CTNNA2: variants seen among roughly 807,000 people sequenced by gnomAD.
The protein encoded by CTNNA2 is catenin alpha-2.
CTNNA2 carries 42 observed loss-of-function variants against 101.0 expected under a neutral mutation model. The observed-to-expected ratio is 0.42, with a 90% confidence interval of 0.32 to 0.54. The LOEUF is 0.54. CTNNA2 is among the 20% of genes least tolerant of loss of function. The probability of loss-of-function intolerance (pLI) is 0.14; values close to 1 mark genes in which losing one functional copy is unlikely to be tolerated. For missense variants in CTNNA2, 871 were observed against 1,223.1 expected (o/e 0.71, Z 4.29); for synonymous variants, 450 against 456.4 (o/e 0.99, Z 0.18).
At chr2:79,871,883 T>C (rs1054848241) in intron 5 of CTNNA2, among the ~76,000 whole-genome samples, 1 of 152,170 alleles carries the variant, frequency 6.6e-6, no homozygotes, top group Non-Finnish European at 1.5e-5. Flanking sequence ...AGAATATATA[T>C]GATGTTCATA....
At chr2:79,658,729 A>G (rs1337217413) in intron 2 of CTNNA2, among the ~76,000 whole-genome samples, 1 of 151,940 alleles carries the variant, frequency 6.6e-6, no homozygotes, top group African/African-American at 2.4e-5. Flanking sequence ...ATAACACTAA[A>G]CATCTGATAA....
chr2:79,846,663 T>C (rs552574361), intron 3 of CTNNA2, among the ~76,000 whole-genome samples: 1 of 152,316 alleles, frequency 6.6e-6, no homozygotes, highest in Non-Finnish European at 1.5e-5. Flanking sequence ...AATACAAATA[T>C]CAGAGTTGAG....
chr2:80,329,077 C>CT (rs1671082526), intron 7 of CTNNA2, among the ~76,000 whole-genome samples: 1 of 152,206 alleles, frequency 6.6e-6, no homozygotes, highest in Non-Finnish European at 1.5e-5. Context: ...CTTTTGATTA[C>CT]TTTTTGTATA....
intron 12 of CTNNA2, among the ~76,000 whole-genome samples, chr2:80,573,814 A>T (rs1217159291): frequency 6.6e-6 from 1 of 152,210 alleles, no homozygotes. Context: ...GATTTACAGT[A>T]ACCAGTAACC....
At position 80,629,183 on chromosome 2, in the gene CTNNA2, G is replaced by A. The variant is rs545525552; in HGVS notation, c.2574+9955G>A. On this transcript the variant is annotated intron_variant, in intron 18 of 18. Coordinates refer to ENST00000402739, the MANE Select transcript of CTNNA2 (RefSeq NM_001282597.3). ...CTTTTGGATAATATTGGTGCCCTCC[G>A]GTTCTTATATCATGTCTACCCCAAG... Among the ~76,000 whole-genome samples, 10 of 152,022 alleles carry A rather than the reference G, an allele frequency of 6.6e-5. 1 individual carries two copies. Among genetic ancestry groups the A allele is most frequent in the Non-Finnish European group, 7.4e-5 (5 of 67,952 alleles).
chr2:79,706,905 T>C (rs1377240313), intron 2 of CTNNA2, among the ~76,000 whole-genome samples: 1 of 152,208 alleles, frequency 6.6e-6, no homozygotes, highest in Non-Finnish European at 1.5e-5. Context: ...TGGTAAGGTA[T>C]GCTGCTTACC....
At chr2:80,154,755 A>G (rs1299547806) in intron 7 of CTNNA2, among the ~76,000 whole-genome samples, 1 of 152,208 alleles carries the variant, frequency 6.6e-6, no homozygotes, top group Non-Finnish European at 1.5e-5. Context: ...TCCTCCACTT[A>G]TCAGCCCAGA....
At chr2:79,881,825 A>G (rs1288220921) in intron 6 of CTNNA2, among the ~76,000 whole-genome samples, 1 of 149,672 alleles carries the variant, frequency 6.7e-6, no homozygotes, top group Non-Finnish European at 1.5e-5. Context: ...TAGTATTGTT[A>G]TGTGTGAATC....
At chr2:80,140,597 C>T (rs972730166) in intron 7 of CTNNA2, among the ~76,000 whole-genome samples, 2 of 152,168 alleles carry the variant, frequency 1.3e-5, no homozygotes, top group African/African-American at 4.8e-5. Flanking sequence ...TTTATAATTA[C>T]ATGCAGTCAT....
intron 2 of CTNNA2, among the ~76,000 whole-genome samples, chr2:79,253,923 T>C (rs1195518898): frequency 6.6e-6 from 1 of 152,184 alleles, no homozygotes; most frequent in Non-Finnish European, 1.5e-5. Context: ...ACATGTATAG[T>C]TTGTGGCTCC....
chr2:80,015,254 C>G (rs1298312120), intron 7 of CTNNA2, among the ~76,000 whole-genome samples: 3 of 152,116 alleles, frequency 2.0e-5, no homozygotes, highest in Admixed American at 1.3e-4. Context: ...CCTTTTCCCC[C>G]CTTCTTTTGG....
chr2:79,356,419 T>C (rs549602152), intron 3 of CTNNA2, among the ~76,000 whole-genome samples: 2 of 152,306 alleles, frequency 1.3e-5, no homozygotes, highest in South Asian at 2.1e-4. Context: ...GCTTTCTTGA[T>C]AGTGCCCTTT....
At chr2:79,533,445 G>T (rs553859743) in intron 1 of CTNNA2, among the ~76,000 whole-genome samples, 1 of 152,084 alleles carries the variant, frequency 6.6e-6, no homozygotes, top group South Asian at 2.1e-4. Flanking sequence ...GGTATGTTTG[G>T]AAATATCAAT....
chr2:79,287,567 A>G lies in CTNNA2; in HGVS notation c.-405-25142A>G, dbSNP rs868560088. On this transcript the variant is annotated intron_variant, in intron 2 of 21. Transcript: ENST00000466387. ...GGGGTGCCTCCCAGTTAGGCTGCTC[A>G]GGGGTCAGGGACCCACTTGAGGAGG... is the stretch of plus-strand genomic sequence containing the variant. Among the ~76,000 whole-genome samples the G allele has an allele frequency of 1.0e-3, 63 of 60,994 alleles. 1 individual carries two copies. Among genetic ancestry groups the G allele is most frequent in the African/African-American group, 2.8e-3 (35 of 12,470 alleles). The allele number at this position is 60,994 out of a possible 152,430, so 40.0% of individuals were successfully genotyped here.
intron 9 of CTNNA2, among the ~76,000 whole-genome samples, chr2:80,537,212 G>A (rs1691119009): frequency 6.6e-6 from 1 of 152,106 alleles, no homozygotes; most frequent in African/African-American, 2.4e-5. Flanking sequence ...TGCTGAGAAT[G>A]ATGGCTTTCA....
At chr2:79,686,165 C>T (rs1449320024) in intron 2 of CTNNA2, among the ~76,000 whole-genome samples, 2 of 151,956 alleles carry the variant, frequency 1.3e-5, no homozygotes, top group Non-Finnish European at 2.9e-5. Flanking sequence ...AAAGTCATGA[C>T]AAGAAATGAG....
At chr2:80,398,501 A>G (rs890432384) in intron 8 of CTNNA2, among the ~76,000 whole-genome samples, 1 of 152,064 alleles carries the variant, frequency 6.6e-6, no homozygotes, top group Non-Finnish European at 1.5e-5. Context: ...TCAGAAAATG[A>G]TCATGCAGCA....
intron 18 of CTNNA2, among the ~76,000 whole-genome samples, chr2:80,631,098 T>C (rs1389812947): frequency 1.3e-5 from 2 of 152,170 alleles, no homozygotes; most frequent in East Asian, 1.9e-4. Context: ...GTAATAAATA[T>C]GGAGGTGATT....
At chr2:79,585,716 C>T (rs997633380) in intron 1 of CTNNA2, among the ~76,000 whole-genome samples, 4 of 152,056 alleles carry the variant, frequency 2.6e-5, no homozygotes, top group Admixed American at 6.5e-5. Context: ...GCTTCCTCTG[C>T]TCCAGCCCCT....
Sources: gnomAD v4.1 joint callset for allele counts (sites outside exome capture counted in the v4.1 genomes callset) on GRCh38, gnomAD v4.1.1 for gene constraint, MANE v1.5 for transcripts, NCBI Gene and HGNC (gene_info 2026-07-23, HGNC 2026-07-21) for gene names.